Variants in VRK1 observed in about 807,000 individuals in gnomAD.
The protein encoded by VRK1 is serine/threonine-protein kinase VRK1.
A neutral mutation model predicts 57.1 loss-of-function variants in VRK1; 33 were observed. The observed-to-expected ratio is 0.58, with a 90% confidence interval of 0.44 to 0.77. The LOEUF is 0.77. Ranked by LOEUF, VRK1 falls within the 30% of genes least tolerant of loss-of-function variation. The probability of loss-of-function intolerance (pLI) is 0.00; values close to 1 mark genes in which losing one functional copy is unlikely to be tolerated. For missense variants in VRK1, 413 were observed against 477.3 expected, an observed-to-expected ratio of 0.87 and a Z score of 1.25; for synonymous variants, 137 against 147.8, an observed-to-expected ratio of 0.93 and a Z score of 0.53.
chr14:96,856,576 A>G lies in VRK1; in HGVS notation c.879A>G (p.Lys293=). The change falls in exon 10 of 13, where the codon AAA becomes AAG. Residue 293 remains lysine, a synonymous_variant. Transcript: ENST00000216639. The stretch of plus-strand genomic sequence containing the variant: ...TGATGGACAAATGTTTTCCTGAGAA[A>G]AACAAACCAGGTAGGAAATGACTTC... ...ASLMDKCFPE[K]NKPGEIAKYM... 1 of 1,613,650 alleles carries G rather than the reference A, an allele frequency of 6.2e-7. No homozygotes were observed. The highest frequency in any genetic ancestry group is 8.5e-7 in the Non-Finnish European group (1 of 1,179,604).
chr14:96,881,349 A>G lies in VRK1; in HGVS notation c.*141A>G. On this transcript the variant is annotated 3_prime_UTR_variant, in exon 13 of 13. Coordinates refer to ENST00000216639, the MANE Select transcript of VRK1 (RefSeq NM_003384.3). ...ATACTCATGTGTTCAGAAAACATAAACTTTTTTTATAAAAATATTTTGTAC... is the reference window on the plus strand; with the variant it reads ...ATACTCATGTGTTCAGAAAACATAAGCTTTTTTTATAAAAATATTTTGTAC... The G allele has an allele frequency of 1.4e-6, 1 of 730,820 alleles. No homozygotes were observed. The highest frequency in any genetic ancestry group is 2.2e-6 in the Non-Finnish European group (1 of 456,904). 45.3% of individuals were successfully genotyped at this position (730,820 alleles called of 1,614,324 possible).
chr14:96,867,975 G>A (rs896410930), intron 11 of VRK1, among the ~76,000 whole-genome samples: 1 of 151,746 alleles, frequency 6.6e-6, no homozygotes, highest in Non-Finnish European at 1.5e-5. Context: ...TTGGTTCTGT[G>A]ATATTGCTTA....
At chr14:96,857,995 T>G (rs1460812497) in intron 10 of VRK1, among the ~76,000 whole-genome samples, 1 of 152,234 alleles carries the variant, frequency 6.6e-6, no homozygotes, top group East Asian at 1.9e-4. Flanking sequence ...TTACTTCTGT[T>G]AGTGTCCTTT....
intron 1 of VRK1, among the ~76,000 whole-genome samples, chr14:96,833,123 G>A (rs953026125): frequency 2.6e-5 from 4 of 152,080 alleles, no homozygotes; most frequent in African/African-American, 9.7e-5. Context: ...CCTATAAAAT[G>A]TGCATTCTAA....
intron 7 of VRK1, among the ~76,000 whole-genome samples, chr14:96,855,023 C>T (rs1888096320): frequency 2.0e-5 from 3 of 152,164 alleles, no homozygotes; most frequent in South Asian, 4.1e-4. Flanking sequence ...GGTCATTTAA[C>T]ATTTTTATTA....
At chr14:96,880,781 A>G (rs1481487901) in intron 12 of VRK1, among the ~76,000 whole-genome samples, 1 of 152,224 alleles carries the variant, frequency 6.6e-6, no homozygotes, top group Non-Finnish European at 1.5e-5. Flanking sequence ...GTGTGACCTC[A>G]TCGCTTCCAC....
intron 2 of VRK1, among the ~76,000 whole-genome samples, chr14:96,834,750 A>G (rs985083970): frequency 2.6e-5 from 4 of 152,182 alleles, no homozygotes; most frequent in African/African-American, 9.7e-5. Flanking sequence ...TTTAGAGCCA[A>G]ACCCATTCCA....
rs549110477 is a variant in VRK1 at position 96,848,144 on chromosome 14, T to C, written c.374+800T>C. On this transcript the variant is annotated intron_variant, in intron 5 of 12. Coordinates refer to ENST00000216639, the MANE Select transcript of VRK1 (RefSeq NM_003384.3). ...AGTCATCAAGGGCCCAGGTTCCTTATCTTGCACCTTTGCCCTCCTCTTCTT... is the reference window on the plus strand; with the variant it reads ...AGTCATCAAGGGCCCAGGTTCCTTACCTTGCACCTTTGCCCTCCTCTTCTT... Among the ~76,000 whole-genome samples the C allele has an allele frequency of 3.9e-5, 6 of 152,278 alleles. No homozygotes were observed. In the South Asian group the frequency reaches 6.2e-4, roughly 16 times the overall value.
At chr14:96,798,905 A>T (rs1303862767) in intron 1 of VRK1, among the ~76,000 whole-genome samples, 1 of 152,232 alleles carries the variant, frequency 6.6e-6, no homozygotes, top group African/African-American at 2.4e-5. Context: ...ACTTAATAAT[A>T]GCTTTCTCTG....
intron 11 of VRK1, among the ~76,000 whole-genome samples, chr14:96,872,976 CAT>C (rs1888884329): frequency 6.6e-6 from 1 of 152,208 alleles, no homozygotes; most frequent in East Asian, 1.9e-4. Context: ...GCACATATGA[CAT>C]ATGTGCTATA....
At chr14:96,837,235 A>G (rs1018684706) in intron 2 of VRK1, among the ~76,000 whole-genome samples, 2 of 152,234 alleles carry the variant, frequency 1.3e-5, no homozygotes, top group Non-Finnish European at 2.9e-5. Flanking sequence ...CATGAAATAA[A>G]ATGATAGCCA....
intron 5 of VRK1, among the ~76,000 whole-genome samples, chr14:96,849,398 A>G (rs1248205616): frequency 6.6e-6 from 1 of 151,942 alleles, no homozygotes; most frequent in African/African-American, 2.4e-5. Flanking sequence ...GCATTTTTAG[A>G]CTTGGAATAA....
Position 96,817,883 on chromosome 14 carries a change from A to T in VRK1, c.-5-15584A>T, listed in dbSNP as rs1398945720. 2.6e-5 allele frequency among the ~76,000 whole-genome samples: 4 copies of T among 152,338 alleles called. No homozygotes were observed. In the East Asian group the frequency reaches 7.7e-4, roughly 29 times the overall value. Reference sequence around the variant, plus strand: ...CTTTGAGCTCTTCTCATGGGCCATAAGGTCAAGGAGCCAGGTGTCACCGCT... The same window carrying T: ...CTTTGAGCTCTTCTCATGGGCCATATGGTCAAGGAGCCAGGTGTCACCGCT... On this transcript the variant is annotated intron_variant, in intron 1 of 12. Coordinates refer to ENST00000216639, the MANE Select transcript of VRK1 (RefSeq NM_003384.3).
chr14:96,865,586 TTACTC>T (rs1345925811), intron 11 of VRK1, among the ~76,000 whole-genome samples: 4 of 152,314 alleles, frequency 2.6e-5, no homozygotes, highest in East Asian at 1.9e-4. Context: ...AAAGTTGACT[TTACTC>T]TATAGAGCAA....
chr14:96,839,084 G>GTTTTTTTTTTT (rs555020075), intron 3 of VRK1, among the ~76,000 whole-genome samples: 3 of 112,404 alleles, frequency 2.7e-5, no homozygotes, highest in African/African-American at 6.6e-5. Flanking sequence ...CTTGTCTTGA[G>GTTTTTTTTTTT]TTTTTTTTTT....
intron 1 of VRK1, among the ~76,000 whole-genome samples, chr14:96,802,059 T>A (rs1885683260): frequency 6.6e-6 from 1 of 152,202 alleles, no homozygotes; most frequent in Admixed American, 6.5e-5. Context: ...AAAAATAAGT[T>A]CAGGTTATAA....
At chr14:96,801,353 A>G (rs1311111111) in intron 1 of VRK1, among the ~76,000 whole-genome samples, 1 of 152,220 alleles carries the variant, frequency 6.6e-6, no homozygotes, top group East Asian at 1.9e-4. Context: ...GTATTAGTGC[A>G]TTGTGATTGC....
intron 3 of VRK1, among the ~76,000 whole-genome samples, chr14:96,841,081 C>T (rs953155365): frequency 9.2e-5 from 14 of 152,044 alleles, no homozygotes; most frequent in African/African-American, 3.4e-4. Flanking sequence ...TGGTGTCAAA[C>T]TCTTAAGCTC....
intron 1 of VRK1, among the ~76,000 whole-genome samples, chr14:96,831,835 G>A (rs949072255): frequency 5.9e-5 from 9 of 152,180 alleles, no homozygotes; most frequent in Non-Finnish European, 1.3e-4. Flanking sequence ...AAGGGCATCT[G>A]TTTTAATATT....
Sources: gnomAD v4.1 joint callset for allele counts (sites outside exome capture counted in the v4.1 genomes callset) on GRCh38, gnomAD v4.1.1 for gene constraint, MANE v1.5 for transcripts, NCBI Gene and HGNC (gene_info 2026-07-23, HGNC 2026-07-21) for gene names.